Variants in KALRN observed in about 807,000 individuals in gnomAD.
The protein encoded by KALRN is kalirin.
Under a neutral mutation model 353.7 loss-of-function variants are expected in KALRN, and 70 were observed. That is an observed-to-expected ratio of 0.20 (90% confidence interval 0.16 to 0.24). The LOEUF is 0.24. KALRN is among the 10% of genes least tolerant of loss of function. KALRN has a pLI of 1.00. For missense variants in KALRN, 2,791 were observed against 3,756.7 expected (o/e 0.74, Z 6.72); for synonymous variants, 1,391 against 1,434.8 (o/e 0.97, Z 0.69).
intron 47 of KALRN, among the ~76,000 whole-genome samples, chr3:124,669,095 G>A (rs1411913817): frequency 6.6e-6 from 1 of 152,144 alleles, no homozygotes; most frequent in Non-Finnish European, 1.5e-5. Flanking sequence ...ACGCCAACAT[G>A]GAGAGGTAAG....
chr3:124,398,198 A>G (rs1298242084), intron 12 of KALRN, among the ~76,000 whole-genome samples: 1 of 152,220 alleles, frequency 6.6e-6, no homozygotes, highest in African/African-American at 2.4e-5. Context: ...GAGCATACTT[A>G]CAATTTTGGC....
At chr3:124,230,863 A>C (rs1054011446) in intron 2 of KALRN, among the ~76,000 whole-genome samples, 42 of 120,244 alleles carry the variant, frequency 3.5e-4, no homozygotes, top group African/African-American at 9.0e-4. Context: ...AAACCAAAAA[A>C]AAAAAAAACA....
At chr3:124,434,571 G>C in intron 17 of KALRN, 46 bp downstream of exon 17, 2 of 1,582,670 alleles carry the variant, frequency 1.3e-6, no homozygotes, top group Non-Finnish European at 1.7e-6. Flanking sequence ...ATTGCCAGGG[G>C]GCCATTTTCT....
chr3:124,042,509 G>A (rs950576889), intron 1 of KALRN, among the ~76,000 whole-genome samples: 2 of 152,178 alleles, frequency 1.3e-5, no homozygotes, highest in South Asian at 2.1e-4. Context: ...AGAAGCAGCA[G>A]CAGAAATGGA....
intron 6 of KALRN, 113 bp downstream of exon 6, chr3:124,299,026 C>A: frequency 1.4e-6 from 2 of 1,381,764 alleles, no homozygotes; most frequent in South Asian, 2.5e-5. Context: ...AACATGCTGA[C>A]CCTTTGGTGT....
At chr3:124,689,096 C>T (rs1275452433) in intron 51 of KALRN, among the ~76,000 whole-genome samples, 1 of 152,258 alleles carries the variant, frequency 6.6e-6, no homozygotes, top group African/African-American at 2.4e-5. Context: ...CCAGCCCTGT[C>T]CTCCCGGACT....
At position 124,345,693 on chromosome 3, in the gene KALRN, C is replaced by T. The variant is rs1266807882; in HGVS notation, c.1648-1450C>T. Reference sequence around the variant, plus strand: ...TCTTCATGATGATGGACAATTACTCCGCCTGTCTTCATTAAGTGGATATTT... The same window carrying T: ...TCTTCATGATGATGGACAATTACTCTGCCTGTCTTCATTAAGTGGATATTT... On this transcript the variant is annotated intron_variant, in intron 9 of 59. Transcript: ENST00000682506. Among the ~76,000 whole-genome samples, 9 of 152,080 alleles carry T rather than the reference C, an allele frequency of 5.9e-5. No homozygotes were observed. In the South Asian group the frequency reaches 6.3e-4, roughly 11 times the overall value.
intron 34 of KALRN, among the ~76,000 whole-genome samples, chr3:124,631,316 C>G (rs1355186696): frequency 6.6e-6 from 1 of 152,190 alleles, no homozygotes; most frequent in East Asian, 1.9e-4. Context: ...CCAGCACTTT[C>G]TCCCCTGAGC....
At chr3:124,043,032 G>A (rs942868698) in intron 1 of KALRN, among the ~76,000 whole-genome samples, 2 of 152,212 alleles carry the variant, frequency 1.3e-5, no homozygotes, top group African/African-American at 4.8e-5. Flanking sequence ...AGAACCAGGA[G>A]AGAGCAATAC....
In KALRN at chr3:124,389,114, C is replaced by T. The variant is rs3772733; in HGVS notation, c.1962+4078C>T. Among the ~76,000 whole-genome samples, 1,559 of 152,236 alleles carry T rather than the reference C, an allele frequency of 0.01. 58 individuals carry two copies. In the East Asian group the frequency reaches 0.12, roughly 12 times the overall value. ...AAATACTGTTATAAATCATTTCTGCCTCATTATGGCTATCTTCCTCCTTCT... is the reference window on the plus strand; with the variant it reads ...AAATACTGTTATAAATCATTTCTGCTTCATTATGGCTATCTTCCTCCTTCT... On this transcript the variant is annotated intron_variant, in intron 11 of 59. Coordinates refer to ENST00000682506, the MANE Select transcript of KALRN (RefSeq NM_001388419.1).
chr3:124,358,112 C>A (rs1044691475), intron 10 of KALRN, among the ~76,000 whole-genome samples: 7 of 152,134 alleles, frequency 4.6e-5, no homozygotes, highest in Non-Finnish European at 7.3e-5. Context: ...CAGGGTCTGG[C>A]ACTTTAGAGG....
intron 6 of KALRN, among the ~76,000 whole-genome samples, chr3:124,315,498 C>G (rs1246802966): frequency 1.3e-5 from 2 of 152,146 alleles, no homozygotes; most frequent in African/African-American, 2.4e-5. Context: ...GACCCCAGAT[C>G]TCCCTCCTTT....
intron 59 of KALRN, among the ~76,000 whole-genome samples, 158 bp from the exon 60 acceptor site, chr3:124,718,767 T>C (rs1235751901): frequency 6.6e-6 from 1 of 152,252 alleles, no homozygotes; most frequent in Non-Finnish European, 1.5e-5. Context: ...GTTTGAAGTA[T>C]CCTATGCAGT....
intron 47 of KALRN, among the ~76,000 whole-genome samples, chr3:124,670,428 C>T (rs2086256017): frequency 6.6e-6 from 1 of 152,302 alleles, no homozygotes; most frequent in South Asian, 2.1e-4. Flanking sequence ...AGAGGCAGTG[C>T]TCTGGTGGGC....
At chr3:124,366,382 T>C (rs598867) in intron 10 of KALRN, among the ~76,000 whole-genome samples, 54,218 of 145,778 alleles carry the variant, frequency 0.37, 11,180 homozygotes, top group East Asian at 0.74. Context: ...CCTGATTACT[T>C]GAGATTAGGG....
chr3:124,399,884 T>C (rs1002724778), intron 13 of KALRN, among the ~76,000 whole-genome samples: 15 of 152,294 alleles, frequency 9.8e-5, no homozygotes, highest in Admixed American at 2.0e-4. Context: ...GCCAGGCCAA[T>C]AGGGTTTCTG....
intron 34 of KALRN, among the ~76,000 whole-genome samples, chr3:124,574,023 C>T (rs2073835764): frequency 6.6e-6 from 1 of 152,110 alleles, no homozygotes; most frequent in South Asian, 2.1e-4. Context: ...TGTGCTGACA[C>T]TGTGAGTGTT....
At chr3:124,433,620 AAG>A (rs2093362266) in intron 16 of KALRN, among the ~76,000 whole-genome samples, 1 of 151,522 alleles carries the variant, frequency 6.6e-6, no homozygotes, top group African/African-American at 2.4e-5. Context: ...AAAAAAAGGA[AAG>A]AAAATAGACC....
intron 1 of KALRN, among the ~76,000 whole-genome samples, chr3:124,194,909 A>G (rs1373200621): frequency 6.6e-6 from 1 of 152,154 alleles, no homozygotes; most frequent in Non-Finnish European, 1.5e-5. Flanking sequence ...AAGGACACCT[A>G]TTTGAGGACT....
Sources: allele counts gnomAD v4.1 joint callset (sites outside exome capture counted in the v4.1 genomes callset), GRCh38; gene constraint gnomAD v4.1.1; transcripts MANE v1.5; gene names NCBI Gene and HGNC (gene_info 2026-07-23, HGNC 2026-07-21).